Variants in TLK2 observed in about 807,000 individuals in gnomAD.
TLK2 encodes serine/threonine-protein kinase tousled-like 2.
In TLK2, 6 loss-of-function variants were observed where a neutral mutation model predicts 117.3. That is an observed-to-expected ratio of 0.05 (90% CI 0.03 to 0.10). The LOEUF (loss-of-function observed/expected upper bound fraction) is 0.10. TLK2 is among the 10% of genes least tolerant of loss of function. The pLI is 1.00. For missense variants in TLK2, 299 were observed against 901.2 expected (o/e 0.33, Z 8.56); for synonymous variants, 257 against 316.7 (o/e 0.81, Z 2.00).
At position 62,548,776 on chromosome 17, in the gene TLK2, G is replaced by A. The variant is rs142079206; in HGVS notation, c.532-3526G>A. On this transcript the variant is annotated intron_variant, in intron 7 of 21. Coordinates refer to ENST00000346027, the MANE Select transcript of TLK2 (RefSeq NM_006852.6). Reference sequence around the variant, plus strand: ...TTTTGAGACAGAGTCTTGATGTGTCGCCCAGGCTGGAGTGCGGTGGCATGA... The same window carrying A: ...TTTTGAGACAGAGTCTTGATGTGTCACCCAGGCTGGAGTGCGGTGGCATGA... Among the ~76,000 whole-genome samples, 1,420 of 149,934 alleles carry A rather than the reference G, an allele frequency of 9.5e-3. 17 individuals are homozygous for A. The highest frequency in any genetic ancestry group is 0.031 in the African/African-American group (1,268 of 40,814).
At chr17:62,545,120 G>A (rs185061474) in intron 7 of TLK2, among the ~76,000 whole-genome samples, 21 of 152,040 alleles carry the variant, frequency 1.4e-4, no homozygotes, top group South Asian at 4.1e-4. Context: ...TCCGCCTCCC[G>A]GGTTCAAGCG....
chr17:62,556,257 A>T (rs2078856429), intron 9 of TLK2, among the ~76,000 whole-genome samples: 1 of 152,182 alleles, frequency 6.6e-6, no homozygotes, highest in South Asian at 2.1e-4. Flanking sequence ...GCTATATATG[A>T]TACTAAGTTC....
intron 11 of TLK2, among the ~76,000 whole-genome samples, chr17:62,571,890 G>C (rs1016541246): frequency 6.8e-6 from 1 of 148,104 alleles, no homozygotes; most frequent in African/African-American, 2.4e-5. Context: ...AGATTTTGCC[G>C]GGCACGGTGG....
intron 6 of TLK2, among the ~76,000 whole-genome samples, chr17:62,525,862 T>G (rs1426906755): frequency 6.6e-6 from 1 of 152,242 alleles, no homozygotes; most frequent in Non-Finnish European, 1.5e-5. Flanking sequence ...CTGTTTTTCT[T>G]AAGTTTCAAA....
chr17:62,474,643 C>T (rs1186035169), upstream of TLK2, among the ~76,000 whole-genome samples: 4 of 150,846 alleles, frequency 2.7e-5, no homozygotes, highest in Non-Finnish European at 4.4e-5. Flanking sequence ...CTCCTGACCT[C>T]GTGATCTGCC....
chr17:62,591,526 C>T (rs2082082816), intron 16 of TLK2, among the ~76,000 whole-genome samples: 1 of 152,110 alleles, frequency 6.6e-6, no homozygotes. Flanking sequence ...GGAGCCAGGC[C>T]TCTGTGTCCC....
intron 2 of TLK2, chr17:62,508,649 A>G: frequency 1.2e-6 from 1 of 815,736 alleles, no homozygotes; most frequent in Non-Finnish European, 1.5e-6. Flanking sequence ...ACTAGGAATT[A>G]ATACTGACGA....
In TLK2 at chr17:62,522,213, A is replaced by G. The variant is rs774263147; in HGVS notation, c.163A>G (p.Lys55Glu). 1 of 1,613,430 alleles carries G rather than the reference A, an allele frequency of 6.2e-7. No individual in the cohort carries two copies. Among genetic ancestry groups the G allele is most frequent in the Non-Finnish European group, 8.5e-7 (1 of 1,179,754 alleles). ...LSDKEVETPEKKQNDQRNRKR... is the reference protein window; with the variant it reads ...LSDKEVETPEEKQNDQRNRKR... ...ATATGGTATTTGACAGACTCCCGAGAAAAAGCAGAATGACCAGCGAAATCG... is the reference window on the plus strand; with the variant it reads ...ATATGGTATTTGACAGACTCCCGAGGAAAAGCAGAATGACCAGCGAAATCG... Residue 55 changes from lysine (K) to glutamate (E), a missense_variant, in exon 4 of 22, where the codon AAA (lysine) becomes GAA (glutamate). Lys to Glu is a moderately conservative substitution (Grantham distance 56). Around this residue, in one of 4 missense-constraint regions of TLK2, gnomAD observed 105 missense variants for 218.4 expected, o/e 0.48. Transcript: ENST00000346027.
intron 2 of TLK2, among the ~76,000 whole-genome samples, chr17:62,499,424 C>T (rs553434871): frequency 5.2e-4 from 79 of 152,104 alleles, no homozygotes; most frequent in African/African-American, 1.0e-3. Flanking sequence ...CTCAGCCTCC[C>T]GGAGTGTTGG....
At chr17:62,473,827 G>A (rs1294943493), upstream of TLK2, among the ~76,000 whole-genome samples, 2 of 152,176 alleles carry the variant, frequency 1.3e-5, no homozygotes, top group African/African-American at 2.4e-5. Flanking sequence ...GAGACAATAT[G>A]GCCCGCAAAG....
intron 2 of TLK2, among the ~76,000 whole-genome samples, chr17:62,499,077 A>G (rs1212758151): frequency 6.6e-6 from 1 of 151,898 alleles, no homozygotes. Flanking sequence ...GCAGTGACTC[A>G]TGCCTGTAAT....
chr17:62,475,634 C>T (rs190651989), upstream of TLK2, among the ~76,000 whole-genome samples: 1 of 152,066 alleles, frequency 6.6e-6, no homozygotes, highest in African/African-American at 2.4e-5. Context: ...TGTGAGCCAC[C>T]GCGCCAGGCC....
At chr17:62,563,011 G>A (rs934071332) in intron 10 of TLK2, among the ~76,000 whole-genome samples, 6 of 152,128 alleles carry the variant, frequency 3.9e-5, no homozygotes, top group African/African-American at 1.2e-4. Context: ...GAATATTCAT[G>A]GGAATTTTAT....
chr17:62,565,341 G>T (rs1489266864), intron 11 of TLK2, among the ~76,000 whole-genome samples: 1 of 152,124 alleles, frequency 6.6e-6, no homozygotes, highest in African/African-American at 2.4e-5. Flanking sequence ...AGTACAAAAT[G>T]AGTTCCAGAA....
intron 2 of TLK2, among the ~76,000 whole-genome samples, chr17:62,489,519 C>G (rs1422734887): frequency 2.0e-5 from 3 of 152,016 alleles, no homozygotes; most frequent in African/African-American, 7.2e-5. Flanking sequence ...TGTATGTTTT[C>G]TAGAGCTCTT....
At chr17:62,525,656 C>T (rs1208260410) in intron 6 of TLK2, among the ~76,000 whole-genome samples, 2 of 152,060 alleles carry the variant, frequency 1.3e-5, no homozygotes, top group African/African-American at 4.8e-5. Flanking sequence ...CACCATATTG[C>T]CCAGGCTGGT....
intron 7 of TLK2, among the ~76,000 whole-genome samples, chr17:62,548,236 A>ATGTGTGTGTGTG (rs759563217): frequency 1.1e-3 from 35 of 31,172 alleles, no homozygotes; most frequent in East Asian, 5.4e-3. Context: ...CCATATATAT[A>ATGTGTGTGTGTG]TATATGTGTG....
intron 7 of TLK2, among the ~76,000 whole-genome samples, chr17:62,549,451 T>TAAAAAAAAAAAAA (rs2078265028): frequency 1.4e-5 from 1 of 73,636 alleles, no homozygotes; most frequent in African/African-American, 4.5e-5. Context: ...AAACACATTG[T>TAAAAAAAAAAAAA]AAAAGGAGAG....
At chr17:62,595,605 A>G (rs971556978) in intron 16 of TLK2, among the ~76,000 whole-genome samples, 8 of 144,870 alleles carry the variant, frequency 5.5e-5, no homozygotes, top group Non-Finnish European at 1.2e-4. Flanking sequence ...GCTCTGTTAT[A>G]CTCTTATGGG....
Sources: gnomAD v4.1 joint callset for allele counts (sites outside exome capture counted in the v4.1 genomes callset) on GRCh38, gnomAD v4.1.1 for gene constraint, gnomAD v4.1.1 regional missense constraint, MANE v1.5 for transcripts, NCBI Gene and HGNC (gene_info 2026-07-23, HGNC 2026-07-21) for gene names.